Variants in UTRN observed in about 807,000 individuals in gnomAD.
The protein encoded by UTRN is utrophin.
Under a neutral mutation model 463.9 loss-of-function variants are expected in UTRN, and 283 were observed. That is an observed-to-expected ratio of 0.61 (90% CI 0.55 to 0.67). The LOEUF is 0.67. Ranked by LOEUF, UTRN falls within the 30% of genes least tolerant of loss-of-function variation. The pLI, the probability that UTRN is intolerant of heterozygous loss-of-function variation, is 0.00. For synonymous variants in UTRN, 1,442 were observed against 1,431.5 expected, an observed-to-expected ratio of 1.01 and a Z score of -0.17; for missense variants, 3,922 against 4,084.3, an observed-to-expected ratio of 0.96 and a Z score of 1.08.
intron 62 of UTRN, among the ~76,000 whole-genome samples, chr6:144,793,113 G>A (rs967119732): frequency 6.6e-6 from 1 of 152,078 alleles, no homozygotes; most frequent in Admixed American, 6.5e-5. Flanking sequence ...GTACTTTTTA[G>A]TGTTTCTTAT....
At chr6:144,620,641 A>G (rs1168692186) in intron 51 of UTRN, among the ~76,000 whole-genome samples, 1 of 151,950 alleles carries the variant, frequency 6.6e-6, no homozygotes, top group African/African-American at 2.4e-5. Flanking sequence ...ATGAAAACCT[A>G]CCTTCTCTAA....
At chr6:144,744,630 T>TAC (rs199802269) in intron 54 of UTRN, among the ~76,000 whole-genome samples, 625 of 55,162 alleles carry the variant, frequency 0.011, 1 homozygote, top group African/African-American at 0.041. Context: ...CACACACACA[T>TAC]ACACACACAC....
At chr6:144,515,169 T>C (rs1440766573) in intron 37 of UTRN, among the ~76,000 whole-genome samples, 1 of 152,196 alleles carries the variant, frequency 6.6e-6, no homozygotes, top group Non-Finnish European at 1.5e-5. Flanking sequence ...CCTCCCAAAG[T>C]GCTGGAATTA....
intron 51 of UTRN, among the ~76,000 whole-genome samples, chr6:144,600,779 A>G (rs1804162723): frequency 6.6e-6 from 1 of 152,258 alleles, no homozygotes; most frequent in South Asian, 2.1e-4. Flanking sequence ...TAGATGAAAC[A>G]GCAGCTTTCA....
At chr6:144,464,764 T>C (rs2128563079) in intron 23 of UTRN, among the ~76,000 whole-genome samples, 1 of 152,288 alleles carries the variant, frequency 6.6e-6, no homozygotes, top group African/African-American at 2.4e-5. Context: ...CCTCCCAAAA[T>C]GCTAGGATTA....
chr6:144,317,943 A>G (rs900274571), intron 2 of UTRN, among the ~76,000 whole-genome samples: 13 of 152,158 alleles, frequency 8.5e-5, no homozygotes, highest in African/African-American at 3.1e-4. Flanking sequence ...CTTTCCTGGA[A>G]ATAGCTTCCA....
intron 19 of UTRN, among the ~76,000 whole-genome samples, chr6:144,458,089 A>T (rs1789054094): frequency 6.6e-6 from 1 of 152,232 alleles, no homozygotes; most frequent in South Asian, 2.1e-4. Flanking sequence ...AAATAAAATG[A>T]TAAGATTTCA....
chr6:144,521,955 A>AT (rs202042745), intron 39 of UTRN, 25 bp from the exon 40 acceptor site: 51,391 of 923,118 alleles, frequency 0.056, 1,381 homozygotes, highest in East Asian at 0.35. Flanking sequence ...ATATATATAT[A>AT]TTTTTTTTTT....
At chr6:144,314,830 G>A (rs545512831) in intron 2 of UTRN, among the ~76,000 whole-genome samples, 1 of 152,200 alleles carries the variant, frequency 6.6e-6, no homozygotes, top group South Asian at 2.1e-4. Flanking sequence ...TGTGGATAAG[G>A]GATTGTGCAC....
chr6:144,487,803 G>A, intron 29 of UTRN, 106 bp downstream of exon 29: 2 of 1,156,652 alleles, frequency 1.7e-6, no homozygotes, highest in Non-Finnish European at 2.3e-6. Context: ...TTTAATGTTG[G>A]TTAAAGTTGG....
chr6:144,481,305 C>G (rs1461717615), intron 26 of UTRN, among the ~76,000 whole-genome samples: 1 of 152,136 alleles, frequency 6.6e-6, no homozygotes, highest in Non-Finnish European at 1.5e-5. Context: ...ATGGCATAAA[C>G]TGCAATTACT....
chr6:144,311,219 G>A (rs2114558611), intron 2 of UTRN, among the ~76,000 whole-genome samples: 3 of 152,290 alleles, frequency 2.0e-5, no homozygotes, highest in Middle Eastern at 6.8e-3. Context: ...TTGGTTATGT[G>A]ATTTTTATTT....
intron 26 of UTRN, among the ~76,000 whole-genome samples, chr6:144,481,039 T>G (rs1445078473): frequency 3.3e-5 from 5 of 152,230 alleles, no homozygotes. Context: ...ATTGTCTTTC[T>G]TTACACTATT....
intron 73 of UTRN, among the ~76,000 whole-genome samples, chr6:144,843,476 G>A (rs552527481): frequency 6.6e-6 from 1 of 152,208 alleles, no homozygotes; most frequent in East Asian, 1.9e-4. Context: ...TCATAATTTA[G>A]AGCAAAAATG....
At chr6:144,390,321 G>A (rs1781794877) in intron 2 of UTRN, among the ~76,000 whole-genome samples, 1 of 151,962 alleles carries the variant, frequency 6.6e-6, no homozygotes, top group Admixed American at 6.6e-5. Context: ...TACTCTTTCA[G>A]GCTCGCTGAT....
intron 7 of UTRN, 96 bp from the exon 8 acceptor site, chr6:144,428,682 A>C: frequency 3.2e-6 from 2 of 621,186 alleles, no homozygotes; most frequent in African/African-American, 3.8e-5. Context: ...CTCACAAATA[A>C]AAATAATCTA....
intron 53 of UTRN, among the ~76,000 whole-genome samples, chr6:144,720,468 C>T (rs73779116): frequency 0.023 from 3,443 of 152,278 alleles, 154 homozygotes; most frequent in African/African-American, 0.079. Flanking sequence ...AGAGGTGGGA[C>T]AGGAGGAAGG....
At chr6:144,562,201 A>ATATTT (rs759498316) in intron 50 of UTRN, among the ~76,000 whole-genome samples, 36 of 152,190 alleles carry the variant, frequency 2.4e-4, no homozygotes, top group East Asian at 2.3e-3. Context: ...ATTTAAAAAA[A>ATATTT]TATTTTATTT....
chr6:144,732,683 GT>G (rs1326172932), intron 54 of UTRN, among the ~76,000 whole-genome samples: 9 of 150,714 alleles, frequency 6.0e-5, no homozygotes, highest in Non-Finnish European at 1.3e-4. Flanking sequence ...GTTATGTTAT[GT>G]TATGTTATGT....
Sources: gnomAD v4.1 joint callset for allele counts (sites outside exome capture counted in the v4.1 genomes callset) on GRCh38, gnomAD v4.1.1 for gene constraint, MANE v1.5 for transcripts, NCBI Gene and HGNC (gene_info 2026-07-23, HGNC 2026-07-21) for gene names.